Variants in JPH1 observed in about 807,000 individuals in gnomAD.
The protein encoded by JPH1 is junctophilin-1.
In JPH1, 12 loss-of-function variants were observed where a neutral mutation model predicts 53.6. That is an observed-to-expected ratio of 0.22 (90% CI 0.14 to 0.36). The LOEUF (loss-of-function observed/expected upper bound fraction) is 0.36. Among genes scored for constraint, JPH1 ranks in the 10% least tolerant of loss-of-function variants. The probability of loss-of-function intolerance (pLI) is 1.00; values close to 1 mark genes in which losing one functional copy is unlikely to be tolerated. For synonymous variants in JPH1, 375 were observed against 363.8 expected, an observed-to-expected ratio of 1.03 and a Z score of -0.35; for missense variants, 808 against 905.5, an observed-to-expected ratio of 0.89 and a Z score of 1.38.
rs1396550940 is a variant in JPH1 at position 74,244,887 on chromosome 8, G to A, written c.1547C>T (p.Ser516Leu). 4 of 1,614,062 alleles carry A rather than the reference G, an allele frequency of 2.5e-6. No homozygotes were observed. Among genetic ancestry groups the A allele is most frequent in the Non-Finnish European group, 3.4e-6 (4 of 1,180,046 alleles). The change falls in exon 4 of 6, where the codon TCA becomes TTA. Residue 516 changes from serine to leucine, a missense_variant. By Grantham distance (145) the Ser-to-Leu change is moderately radical (BLOSUM62 -2). Coordinates refer to ENST00000342232, the MANE Select transcript of JPH1 (RefSeq NM_020647.4). ...TCCTGCCTCCTTCGTGGGAGCCTTT[G>A]ACATCAAGGGCTTATTGACAATGGC... ...VTAIVNKPLM[S>L]KAPTKEAGAV...
At chr8:74,259,606 T>C (rs1053108791) in intron 2 of JPH1, 103 bp from the exon 3 acceptor site, 2 of 904,130 alleles carry the variant, frequency 2.2e-6, no homozygotes, top group Non-Finnish European at 3.2e-6. Flanking sequence ...ATTATGATTA[T>C]GGCCCGACAC....
intron 2 of JPH1, among the ~76,000 whole-genome samples, chr8:74,297,484 T>A (rs17254048): frequency 0.23 from 34,671 of 152,080 alleles, 4,503 homozygotes; most frequent in South Asian, 0.4. Flanking sequence ...TGCATCCAAG[T>A]GTGCTTCGCG....
In JPH1 at chr8:74,267,405, T is replaced by C. The variant is rs186878509; in HGVS notation, c.1140-7902A>G. Among the ~76,000 whole-genome samples the C allele has an allele frequency of 1.5e-3, 232 of 152,340 alleles. 1 individual carries two copies. The highest frequency in any genetic ancestry group is 3.4e-3 in the Middle Eastern group (1 of 294). ...GCTGTTCACAGTTCTTGTTCTTGCATAAATCCTGGGCTTCTTTTAGGAGGT... is the reference window on the plus strand; with the variant it reads ...GCTGTTCACAGTTCTTGTTCTTGCACAAATCCTGGGCTTCTTTTAGGAGGT... On this transcript the variant is annotated intron_variant, in intron 2 of 5. Transcript: ENST00000342232.
In JPH1 at chr8:74,237,227, G is replaced by C. The variant is rs138618358; in HGVS notation, c.1982C>G (p.Thr661Ser). 28 of 1,607,916 alleles carry C rather than the reference G, an allele frequency of 1.7e-5. No homozygotes were observed. In the East Asian group the frequency reaches 6.2e-4, roughly 36 times the overall value. ...GLAILFVHFL[T>S] ...TCTTACCTTTCCTAATTCCAATCAA[G>C]TTAGAAAGTGAACAAAAAGAATGGC... The change falls in exon 5 of 6, where the codon ACT (threonine) becomes AGT (serine). Residue 661 changes from threonine (T) to serine (S), a missense_variant. By Grantham distance (58) the Thr-to-Ser change is moderately conservative. Around this residue, in one of 2 missense-constraint regions of JPH1, gnomAD observed 756 missense variants for 811.9 expected, o/e 0.93. Coordinates refer to ENST00000342232, the MANE Select transcript of JPH1 (RefSeq NM_020647.4).
chr8:74,244,747 G>A lies in JPH1; in HGVS notation c.1687C>T (p.Pro563Ser), dbSNP rs768878668. The A allele has an allele frequency of 6.2e-7, 1 of 1,614,208 alleles. No homozygotes were observed. The highest frequency in any genetic ancestry group is 8.5e-7 in the Non-Finnish European group (1 of 1,180,046). ...TCGCCGTCCTCCACGTCTACTGGAGGGTGCTGGGGGGCGTTCAGCTTCACG... is the reference window on the plus strand; with the variant it reads ...TCGCCGTCCTCCACGTCTACTGGAGAGTGCTGGGGGGCGTTCAGCTTCACG... ...YYVKLNAPQHPPVDVEDGDGS... is the reference protein window; with the variant it reads ...YYVKLNAPQHSPVDVEDGDGS... The change falls in exon 4 of 6, where the codon CCT (proline) becomes TCT (serine). Residue 563 changes from proline to serine, a missense_variant. Transcript: ENST00000342232.
chr8:74,244,496 A>G, intron 4 of JPH1, 33 bp downstream of exon 4: 1 of 1,553,698 alleles, frequency 6.4e-7, no homozygotes, highest in Non-Finnish European at 8.7e-7. Flanking sequence ...CAAAGGGAAG[A>G]AAGAAAGAGA....
At chr8:74,271,693 A>G (rs1806705757) in intron 2 of JPH1, among the ~76,000 whole-genome samples, 5 of 152,184 alleles carry the variant, frequency 3.3e-5, no homozygotes, top group Admixed American at 6.5e-5. Flanking sequence ...ACAATGGGAG[A>G]TGAGACTTCA....
chr8:74,285,766 A>G (rs988378871), intron 2 of JPH1, among the ~76,000 whole-genome samples: 1 of 152,230 alleles, frequency 6.6e-6, no homozygotes, highest in African/African-American at 2.4e-5. Flanking sequence ...ATTCTAAAAC[A>G]TATCTGGACC....
intron 2 of JPH1, among the ~76,000 whole-genome samples, chr8:74,303,448 A>G (rs1461398586): frequency 2.6e-5 from 4 of 152,196 alleles, no homozygotes; most frequent in Non-Finnish European, 5.9e-5. Flanking sequence ...TAGGCTTACC[A>G]TGCTTAACTC....
chr8:74,300,005 G>T (rs1424154844), intron 2 of JPH1, among the ~76,000 whole-genome samples: 1 of 152,158 alleles, frequency 6.6e-6, no homozygotes, highest in Non-Finnish European at 1.5e-5. Context: ...TTCACTTACG[G>T]AATTAAACAG....
intron 1 of JPH1, among the ~76,000 whole-genome samples, chr8:74,319,362 T>C (rs1159252987): frequency 6.6e-6 from 1 of 152,248 alleles, no homozygotes; most frequent in Non-Finnish European, 1.5e-5. Context: ...AATTTAGTTA[T>C]ATAGTAGAGC....
intron 2 of JPH1, among the ~76,000 whole-genome samples, chr8:74,290,308 G>C (rs1207180396): frequency 6.6e-6 from 1 of 152,076 alleles, no homozygotes; most frequent in East Asian, 1.9e-4. Context: ...AAAAATCAAT[G>C]GCAAAAATCA....
intron 2 of JPH1, among the ~76,000 whole-genome samples, chr8:74,296,871 G>T (rs1396770439): frequency 6.6e-6 from 1 of 152,014 alleles, no homozygotes; most frequent in Admixed American, 6.6e-5. Context: ...AACCTCCATG[G>T]CTTGAAAACT....
At chr8:74,319,973 TTTGGCAAATA>T (rs1450286600) in intron 1 of JPH1, among the ~76,000 whole-genome samples, 1 of 152,204 alleles carries the variant, frequency 6.6e-6, no homozygotes, top group Non-Finnish European at 1.5e-5. Context: ...ACACAATCTC[TTTGGCAAATA>T]TTGTTAAATA....
intron 2 of JPH1, among the ~76,000 whole-genome samples, chr8:74,311,664 C>CCG (rs1807998459): frequency 2.1e-3 from 1 of 474 alleles, no homozygotes; most frequent in African/African-American, 6.5e-3. Context: ...CAATGCTATC[C>CCG]CTCCCCTCCC....
Position 74,262,840 on chromosome 8 carries a change from C to T in JPH1, c.1140-3337G>A, listed in dbSNP as rs80292690. Among the ~76,000 whole-genome samples, 43 of 152,324 alleles carry T rather than the reference C, an allele frequency of 2.8e-4. No individual in the cohort carries two copies. In the East Asian group the frequency reaches 6.2e-3, roughly 22 times the overall value. On this transcript the variant is annotated intron_variant, in intron 2 of 5. Transcript: ENST00000342232. ...AACTCCCTCCTGGACATAAGCTCTG[C>T]GGAGGTCAACTGTGACCAGCTGCAA...
intron 2 of JPH1, among the ~76,000 whole-genome samples, chr8:74,276,443 G>A (rs2131413496): frequency 6.6e-6 from 1 of 152,320 alleles, no homozygotes; most frequent in African/African-American, 2.4e-5. Context: ...GAGAGTGGCA[G>A]ACTCTTCCTA....
chr8:74,258,607 C>A (rs1806303923), intron 3 of JPH1, among the ~76,000 whole-genome samples: 1 of 152,098 alleles, frequency 6.6e-6, no homozygotes. Flanking sequence ...TGCTATACTT[C>A]CTAACCACAG....
At chr8:74,298,528 T>C (rs576518876) in intron 2 of JPH1, among the ~76,000 whole-genome samples, 1 of 152,296 alleles carries the variant, frequency 6.6e-6, no homozygotes, top group South Asian at 2.1e-4. Context: ...CGGTTTCCAC[T>C]TGTGTGTTGC....
Sources: gnomAD v4.1 joint callset for allele counts (sites outside exome capture counted in the v4.1 genomes callset) on GRCh38, gnomAD v4.1.1 for gene constraint, gnomAD v4.1.1 regional missense constraint, MANE v1.5 for transcripts, NCBI Gene and HGNC (gene_info 2026-07-23, HGNC 2026-07-21) for gene names.